The following PTPRT variants were observed in gnomAD, a reference collection of about 807,000 sequenced individuals.
PTPRT encodes the protein protein tyrosine phosphatase receptor type T.
In PTPRT, 56 loss-of-function variants were observed where a neutral mutation model predicts 176.8. The observed-to-expected ratio is 0.32, with a 90% CI of 0.26 to 0.40. The LOEUF is 0.40. Ranked by LOEUF, PTPRT falls within the 10% of genes least tolerant of loss-of-function variation. The pLI, the probability that PTPRT is intolerant of heterozygous loss-of-function variation, is 1.00. For missense variants in PTPRT, 1,540 were observed against 1,908.2 expected, an observed-to-expected ratio of 0.81 and a Z score of 3.60; for synonymous variants, 783 against 739.0, an observed-to-expected ratio of 1.06 and a Z score of -0.96.
intron 2 of PTPRT, among the ~76,000 whole-genome samples, chr20:42,823,763 G>A (rs1446162297): frequency 6.6e-6 from 1 of 151,390 alleles, no homozygotes; most frequent in African/African-American, 2.4e-5. Context: ...AAATTAAAAG[G>A]GAAGAAAGAG....
At chr20:42,243,351 A>T (rs1016248118) in intron 14 of PTPRT, among the ~76,000 whole-genome samples, 4 of 152,196 alleles carry the variant, frequency 2.6e-5, no homozygotes, top group Non-Finnish European at 5.9e-5. Context: ...GGCCAGCAAA[A>T]CTACAACCAC....
intron 17 of PTPRT, among the ~76,000 whole-genome samples, chr20:42,145,543 T>TAGATAGAC (rs1207649443): frequency 2.6e-5 from 4 of 151,962 alleles, no homozygotes; most frequent in Non-Finnish European, 5.9e-5. Flanking sequence ...GATAGATAGA[T>TAGATAGAC]AGATGGATGT....
Position 43,189,517 on chromosome 20 carries a change from G to T in PTPRT, c.88+129C>A. On this transcript the variant is annotated intron_variant, in intron 1 of 30. Transcript: ENST00000373187. The surrounding 1 kb of genome is among the most constrained non-coding windows in gnomAD (Gnocchi z 5.0). ...CCCGCGCCTGCAAGCTGAGACCCGG[G>T]TTCCGGCCATGGGGACCCGCGCCCC... The T allele has an allele frequency of 2.0e-6, 1 of 506,312 alleles. No homozygotes were observed. Among genetic ancestry groups the T allele is most frequent in the Non-Finnish European group, 2.9e-6 (1 of 345,044 alleles). The allele number at this position is 506,312 out of a possible 1,614,324, so 31.4% of individuals were successfully genotyped here.
At chr20:42,787,089 G>T (rs376613577) in intron 3 of PTPRT, among the ~76,000 whole-genome samples, 1 of 152,206 alleles carries the variant, frequency 6.6e-6, no homozygotes, top group African/African-American at 2.4e-5. Context: ...AATTGCAATA[G>T]AAATTGTATG....
chr20:42,535,810 G>T (rs532476169), intron 7 of PTPRT, among the ~76,000 whole-genome samples: 115 of 152,240 alleles, frequency 7.6e-4, no homozygotes, highest in African/African-American at 2.8e-3. Context: ...AAGCGGGCTT[G>T]GTTCAGGCAG....
At chr20:42,456,760 T>C (rs2070932799) in intron 8 of PTPRT, among the ~76,000 whole-genome samples, 1 of 152,164 alleles carries the variant, frequency 6.6e-6, no homozygotes, top group African/African-American at 2.4e-5. Flanking sequence ...GGTATTTGCA[T>C]ACATTTTTTT....
At chr20:42,368,757 T>G (rs1333701202) in intron 9 of PTPRT, among the ~76,000 whole-genome samples, 1 of 152,228 alleles carries the variant, frequency 6.6e-6, no homozygotes, top group Non-Finnish European at 1.5e-5. Context: ...GAAAGACTTT[T>G]GCTAAAGTAA....
intron 22 of PTPRT, 51 bp from the exon 23 acceptor site, chr20:42,110,538 A>G: frequency 6.5e-7 from 1 of 1,535,490 alleles, no homozygotes; most frequent in Non-Finnish European, 8.8e-7. Flanking sequence ...TCGCATACCC[A>G]GCCCAGCAAC....
intron 9 of PTPRT, among the ~76,000 whole-genome samples, chr20:42,355,341 T>C (rs1320498864): frequency 3.3e-5 from 5 of 152,288 alleles, no homozygotes; most frequent in African/African-American, 1.2e-4. Flanking sequence ...CATATCTCTT[T>C]ACTGGTGTTT....
intron 27 of PTPRT, among the ~76,000 whole-genome samples, chr20:42,097,257 T>A (rs1359758153): frequency 6.6e-6 from 1 of 152,186 alleles, no homozygotes; most frequent in Non-Finnish European, 1.5e-5. Context: ...TCTGCTGCAT[T>A]TTTCAGCCTC....
chr20:42,972,451 A>G (rs1351777538), intron 1 of PTPRT, among the ~76,000 whole-genome samples: 1 of 151,394 alleles, frequency 6.6e-6, no homozygotes, highest in Non-Finnish European at 1.5e-5. Context: ...AACTTGAGGT[A>G]AGGAGTTCGA....
intron 1 of PTPRT, among the ~76,000 whole-genome samples, chr20:43,013,124 G>GTA (rs1173415615): frequency 1.3e-5 from 2 of 151,676 alleles, no homozygotes; most frequent in Non-Finnish European, 2.9e-5. Flanking sequence ...CTTATGTACT[G>GTA]TATATATATC....
At chr20:43,039,684 C>T (rs1002159264) in intron 1 of PTPRT, among the ~76,000 whole-genome samples, 1 of 151,950 alleles carries the variant, frequency 6.6e-6, no homozygotes, top group Admixed American at 6.5e-5. Flanking sequence ...AAAACTACTG[C>T]AACATAAATG....
chr20:42,568,962 C>A (rs953336809), intron 7 of PTPRT, among the ~76,000 whole-genome samples: 4 of 140,700 alleles, frequency 2.8e-5, no homozygotes, highest in African/African-American at 1.1e-4. Flanking sequence ...GCAGAAGAAT[C>A]GCTTGAACCC....
intron 5 of PTPRT, among the ~76,000 whole-genome samples, chr20:42,761,832 G>T (rs955919081): frequency 2.0e-5 from 3 of 152,272 alleles, no homozygotes; most frequent in African/African-American, 4.8e-5. Flanking sequence ...TTTGCTGAGG[G>T]GCTGAGTTAG....
At chr20:42,459,151 A>T (rs1270424834) in intron 8 of PTPRT, among the ~76,000 whole-genome samples, 1 of 152,234 alleles carries the variant, frequency 6.6e-6, no homozygotes, top group Non-Finnish European at 1.5e-5. Context: ...TATTTGGCAG[A>T]ACCTTACTGT....
chr20:42,336,053 G>GTA (rs1264060943), intron 11 of PTPRT, among the ~76,000 whole-genome samples: 1 of 152,098 alleles, frequency 6.6e-6, no homozygotes, highest in Non-Finnish European at 1.5e-5. Context: ...AATCAACTGA[G>GTA]TTAATATACA....
chr20:42,766,273 AAGCAAGTTATGACTG>A (rs1310967403), intron 5 of PTPRT, among the ~76,000 whole-genome samples: 8 of 152,212 alleles, frequency 5.3e-5, no homozygotes, highest in African/African-American at 1.9e-4. Context: ...CATAAGGAAT[AAGCAAGTTATGACTG>A]AGCCCCTTCC....
Position 43,180,369 on chromosome 20 carries a change from C to CTCTCTCTCTCTT in PTPRT, c.88+9276_88+9277insAAGAGAGAGAGA, listed in dbSNP as rs1208040640. On this transcript the variant is annotated intron_variant, in intron 1 of 30. Transcript: ENST00000373187. ...TCTCTCTCTCTCTCTCTCTCTCTCT[C>CTCTCTCTCTCTT]TCTGCCCCCACCTCCCTCCCTTCCT... Among the ~76,000 whole-genome samples the CTCTCTCTCTCTT allele has an allele frequency of 2.0e-3, 306 of 151,348 alleles. 1 individual carries two copies. Among genetic ancestry groups the CTCTCTCTCTCTT allele is most frequent in the African/African-American group, 7.1e-3 (292 of 41,070 alleles).
Sources: allele counts gnomAD v4.1 joint callset (sites outside exome capture counted in the v4.1 genomes callset), GRCh38; gene constraint gnomAD v4.1.1; non-coding constraint Gnocchi (gnomAD v3.1); transcripts MANE v1.5; gene names NCBI Gene and HGNC (gene_info 2026-07-23, HGNC 2026-07-21).